The following MED13L variants were observed in gnomAD, a reference collection of about 807,000 sequenced individuals.
The protein encoded by MED13L is mediator of RNA polymerase II transcription subunit 13-like.
In MED13L, 7 loss-of-function variants were observed where a neutral mutation model predicts 220.9. The observed-to-expected ratio is 0.03, with a 90% CI of 0.02 to 0.06. MED13L has a LOEUF of 0.06. Ranked by LOEUF, MED13L falls within the 10% of genes least tolerant of loss-of-function variation. MED13L has a pLI of 1.00. For missense variants in MED13L, 1,965 were observed against 2,760.5 expected (o/e 0.71, Z 6.46); for synonymous variants, 1,011 against 1,015.2 (o/e 1.00, Z 0.08).
At chr12:116,212,438 A>G (rs185760491) in intron 2 of MED13L, among the ~76,000 whole-genome samples, 2 of 152,342 alleles carry the variant, frequency 1.3e-5, no homozygotes, top group East Asian at 3.9e-4. Context: ...AAATCTTCTG[A>G]GCATCAGAGA....
intron 4 of MED13L, among the ~76,000 whole-genome samples, chr12:116,084,131 C>T (rs779162976): frequency 4.6e-5 from 7 of 152,192 alleles, no homozygotes; most frequent in African/African-American, 9.6e-5. Flanking sequence ...GAAGAATCCT[C>T]TAGTTTGAAA....
chr12:116,219,701 C>G (rs1247398740), intron 2 of MED13L, among the ~76,000 whole-genome samples: 2 of 152,094 alleles, frequency 1.3e-5, no homozygotes, highest in Non-Finnish European at 2.9e-5. Context: ...AAAATTGAAC[C>G]AAAGTCCTAT....
At position 115,991,002 on chromosome 12, in the gene MED13L, G is replaced by A. The variant is rs1242869287; in HGVS notation, c.3934+18C>T. On this transcript the variant is annotated intron_variant, in intron 17 of 30. Coordinates refer to ENST00000281928, the MANE Select transcript of MED13L (RefSeq NM_015335.5). The surrounding 1 kb of genome is among the most constrained non-coding windows in gnomAD (Gnocchi z 7.7). ...CCAAGATACTCCTCAAAGTAAATTT[G>A]TGTTCTGGGACACCTACCATTGCTG... 1 of 1,609,962 alleles carries A rather than the reference G, an allele frequency of 6.2e-7. No individual in the cohort carries two copies. The highest frequency in any genetic ancestry group is 1.1e-5 in the South Asian group (1 of 91,040).
chr12:115,982,565 G>C lies in MED13L; in HGVS notation c.4994C>G (p.Pro1665Arg). Reference protein sequence around the residue: ...ERERIGIPTEPDSADSHAHPP... With the variant: ...ERERIGIPTERDSADSHAHPP... ...GTGGGCATGGCTGTCTGCAGAGTCA[G>C]GCTCCGTGGGAATTCCTATTCTCTC... Residue 1665 changes from proline (P) to arginine (R), a missense_variant, in exon 22 of 31, where the codon CCT (proline) becomes CGT (arginine). Pro to Arg is a moderately radical substitution (Grantham distance 103). Around this residue, in one of 10 missense-constraint regions of MED13L, gnomAD observed 510 missense variants for 620.4 expected, o/e 0.82. Transcript: ENST00000281928. 1 of 1,614,140 alleles carries C rather than the reference G, an allele frequency of 6.2e-7. No homozygotes were observed. Among genetic ancestry groups the C allele is most frequent in the Non-Finnish European group, 8.5e-7 (1 of 1,180,016 alleles).
intron 4 of MED13L, among the ~76,000 whole-genome samples, chr12:116,080,772 A>C (rs1253036914): frequency 1.3e-5 from 2 of 152,222 alleles, no homozygotes; most frequent in Non-Finnish European, 2.9e-5. Flanking sequence ...AGGCATATAC[A>C]TCCTGTTAAC....
chr12:116,186,283 C>T (rs1188319690), intron 2 of MED13L, among the ~76,000 whole-genome samples: 3 of 152,056 alleles, frequency 2.0e-5, no homozygotes, highest in Non-Finnish European at 4.4e-5. Context: ...CCCTGCAAAC[C>T]GATCACATCT....
chr12:116,012,080 C>T (rs1229027925), intron 9 of MED13L, among the ~76,000 whole-genome samples: 1 of 152,136 alleles, frequency 6.6e-6, no homozygotes, highest in Non-Finnish European at 1.5e-5. Context: ...AGAAGCAGGG[C>T]TACTCAAAAT....
chr12:116,269,484 AAAAAG>A, intron 1 of MED13L, among the ~76,000 whole-genome samples: 1 of 150,738 alleles, frequency 6.6e-6, no homozygotes, highest in African/African-American at 2.4e-5. Flanking sequence ...AAAAAAAAAA[AAAAAG>A]ACACTAATGA....
chr12:116,159,272 G>A (rs901011436), intron 2 of MED13L, among the ~76,000 whole-genome samples: 7 of 152,160 alleles, frequency 4.6e-5, no homozygotes, highest in Non-Finnish European at 7.4e-5. Context: ...AATGGAGGTC[G>A]CAATCTCAGA....
At chr12:116,224,704 G>T (rs565929749) in intron 2 of MED13L, among the ~76,000 whole-genome samples, 97 of 152,168 alleles carry the variant, frequency 6.4e-4, no homozygotes, top group African/African-American at 2.3e-3. Flanking sequence ...TTGAGACAGG[G>T]TCTCAATCTG....
chr12:116,142,773 A>G (rs1015699068), intron 2 of MED13L, among the ~76,000 whole-genome samples: 3 of 152,228 alleles, frequency 2.0e-5, no homozygotes, highest in Non-Finnish European at 4.4e-5. Context: ...GCATAAAAAT[A>G]AAGTGACACT....
Position 115,991,752 on chromosome 12 carries a change from C to A in MED13L, c.3202G>T (p.Gly1068Cys), listed in dbSNP as rs1487519719. 1 of 1,613,886 alleles carries A rather than the reference C, an allele frequency of 6.2e-7. No individual in the cohort carries two copies. The highest frequency in any genetic ancestry group is 8.5e-7 in the Non-Finnish European group (1 of 1,179,934). The change falls in exon 17 of 31, where the codon GGT becomes TGT. Residue 1068 changes from glycine to cysteine, a missense_variant. Around this residue, in one of 10 missense-constraint regions of MED13L, gnomAD observed 233 missense variants for 306.2 expected, o/e 0.76. Transcript: ENST00000281928. This position sits in a 1 kb window ranked among gnomAD's most constrained non-coding sequence, Gnocchi z 7.7. ...CTATCATACTTAACAGACCCTTGAC[C>A]ACTGGCAGTGCCCCCACCTCTGGGA... ...RTPRGGGTAS[G>C]QGSVKYDSTD...
intron 2 of MED13L, among the ~76,000 whole-genome samples, chr12:116,142,742 A>G (rs958515953): frequency 1.3e-5 from 2 of 152,336 alleles, no homozygotes; most frequent in Non-Finnish European, 2.9e-5. Flanking sequence ...AAGTTCAAGT[A>G]TGCACAATTG....
rs537043677 is a variant in MED13L at position 116,066,237 on chromosome 12, T to C, written c.479+30432A>G. ...ACAAAAGTAAAAAAGGTAAAGAGTT[T>C]TCATTGAGAGGAACATTAATATTTT... On this transcript the variant is annotated intron_variant, in intron 4 of 30. Transcript: ENST00000281928. Among the ~76,000 whole-genome samples, 3 of 152,290 alleles carry C rather than the reference T, an allele frequency of 2.0e-5. No individual in the cohort carries two copies. The East Asian group carries it at 5.8e-4, about 29-fold the overall frequency.
rs10678970 is a variant in MED13L at position 116,148,051 on chromosome 12, CAAAAAAA to C, written c.311-36546_311-36540del. On this transcript the variant is annotated intron_variant, in intron 2 of 30. Coordinates refer to ENST00000281928, the MANE Select transcript of MED13L (RefSeq NM_015335.5). ...TGGGCTACAGAGCAAGACCCCATCT[CAAAAAAA>C]AAAAAAAAAAAAAAAAGAGGGGGGC... Among the ~76,000 whole-genome samples, 20 of 18,140 alleles carry C rather than the reference CAAAAAAA, an allele frequency of 1.1e-3. 1 individual carries two copies. The highest frequency in any genetic ancestry group is 6.2e-3 in the South Asian group (2 of 324). 11.9% of individuals were successfully genotyped at this position (18,140 alleles called of 152,430 possible).
intron 2 of MED13L, among the ~76,000 whole-genome samples, chr12:116,234,587 T>C (rs959551807): frequency 1.3e-5 from 2 of 152,042 alleles, no homozygotes; most frequent in African/African-American, 4.8e-5. Flanking sequence ...AATGTCCCTA[T>C]TTAAAAAATG....
At chr12:116,160,410 T>A (rs1878765935) in intron 2 of MED13L, among the ~76,000 whole-genome samples, 1 of 152,028 alleles carries the variant, frequency 6.6e-6, no homozygotes, top group Non-Finnish European at 1.5e-5. Context: ...AGTGGCCAAC[T>A]CTCTGGAGAG....
chr12:116,023,104 G>A (rs1241331918), intron 4 of MED13L, among the ~76,000 whole-genome samples: 1 of 152,038 alleles, frequency 6.6e-6, no homozygotes, highest in African/African-American at 2.4e-5. Context: ...AAACCAGCCT[G>A]GGCAACATAA....
intron 1 of MED13L, among the ~76,000 whole-genome samples, chr12:116,265,719 A>G (rs919679489): frequency 1.3e-5 from 2 of 152,234 alleles, no homozygotes; most frequent in African/African-American, 4.8e-5. Flanking sequence ...CCACCTAATA[A>G]AAATTCAATT....
Sources: gnomAD v4.1 joint callset for allele counts (sites outside exome capture counted in the v4.1 genomes callset) on GRCh38, gnomAD v4.1.1 for gene constraint, gnomAD v4.1.1 regional missense constraint, Gnocchi (gnomAD v3.1) non-coding constraint, MANE v1.5 for transcripts, NCBI Gene and HGNC (gene_info 2026-07-23, HGNC 2026-07-21) for gene names.